The following NAV3 variants were observed in gnomAD, a reference collection of about 807,000 sequenced individuals.
The protein encoded by NAV3 is neuron navigator 3, also known as pore membrane and/or filament interacting like protein 1.
Under a neutral mutation model 244.7 loss-of-function variants are expected in NAV3, and 87 were observed. The observed-to-expected ratio is 0.36, with a 90% confidence interval of 0.30 to 0.42. The LOEUF (loss-of-function observed/expected upper bound fraction) is 0.42, where lower values mean the gene tolerates loss of function less well. Among genes scored for constraint, NAV3 ranks in the 20% least tolerant of loss-of-function variants. The pLI, the probability that NAV3 is intolerant of heterozygous loss-of-function variation, is 1.00. For synonymous variants in NAV3, 1,126 were observed against 1,042.2 expected (o/e 1.08, Z -1.55); for missense variants, 2,663 against 2,893.3 (o/e 0.92, Z 1.83).
chr12:77,582,679 C>T (rs958959053), intron 2 of NAV3, among the ~76,000 whole-genome samples: 7 of 152,220 alleles, frequency 4.6e-5, no homozygotes, highest in African/African-American at 1.7e-4. Context: ...CAAGGCTTGG[C>T]TCCCTGGTCT....
intron 2 of NAV3, among the ~76,000 whole-genome samples, chr12:77,770,812 A>T (rs932952977): frequency 6.6e-6 from 1 of 152,236 alleles, no homozygotes; most frequent in Non-Finnish European, 1.5e-5. Flanking sequence ...TAAAACCCCT[A>T]GAAGAAAACC....
chr12:78,086,383 A>G (rs1953639842), intron 12 of NAV3, among the ~76,000 whole-genome samples: 1 of 152,094 alleles, frequency 6.6e-6, no homozygotes, highest in Non-Finnish European at 1.5e-5. Flanking sequence ...TGAAAAATGC[A>G]AATAATATTA....
chr12:77,982,045 T>A (rs1395452954), intron 5 of NAV3, among the ~76,000 whole-genome samples: 1 of 152,222 alleles, frequency 6.6e-6, no homozygotes, highest in African/African-American at 2.4e-5. Context: ...TAAAAACTGA[T>A]GTAATGTCAA....
intron 1 of NAV3, among the ~76,000 whole-genome samples, chr12:77,894,871 C>T (rs1565897662): frequency 6.6e-6 from 1 of 152,298 alleles, no homozygotes; most frequent in African/African-American, 2.4e-5. Context: ...GTAAAAGTTT[C>T]AAGTTTAAAA....
At chr12:77,625,878 A>G (rs73425544) in intron 2 of NAV3, among the ~76,000 whole-genome samples, 5,282 of 152,292 alleles carry the variant, frequency 0.035, 328 homozygotes, top group African/African-American at 0.12. Context: ...TAAGGACACA[A>G]GAAACATGAA....
intron 12 of NAV3, 145 bp from the exon 13 acceptor site, chr12:78,116,627 C>T: frequency 3.3e-6 from 3 of 906,448 alleles, no homozygotes; most frequent in East Asian, 2.8e-5. Context: ...TATGATTTTC[C>T]CAAAATGTGA....
intron 8 of NAV3, among the ~76,000 whole-genome samples, chr12:78,016,484 A>G (rs1177662259): frequency 3.3e-5 from 5 of 152,196 alleles, no homozygotes; most frequent in East Asian, 3.9e-4. Flanking sequence ...ACTCCCCTGA[A>G]TCGAGTAAAT....
intron 1 of NAV3, among the ~76,000 whole-genome samples, chr12:77,908,408 T>C (rs1336159134): frequency 6.6e-6 from 1 of 152,050 alleles, no homozygotes; most frequent in Admixed American, 6.6e-5. Flanking sequence ...ATTTAAGGAA[T>C]ATAAAATGGT....
At chr12:77,948,823 C>T (rs912619748) in intron 3 of NAV3, among the ~76,000 whole-genome samples, 3 of 151,344 alleles carry the variant, frequency 2.0e-5, no homozygotes, top group Non-Finnish European at 4.4e-5. Flanking sequence ...AATTGTAATA[C>T]TCCTATCTGA....
intron 12 of NAV3, among the ~76,000 whole-genome samples, chr12:78,073,870 C>T (rs2137682695): frequency 6.6e-6 from 1 of 152,056 alleles, no homozygotes; most frequent in Admixed American, 6.5e-5. Context: ...AGAACAGAGC[C>T]CTCAGAAATA....
intron 2 of NAV3, among the ~76,000 whole-genome samples, chr12:77,725,876 T>A (rs1219450886): frequency 6.6e-6 from 1 of 151,962 alleles, no homozygotes. Context: ...CCCTAAAGGC[T>A]GCCCTGTCTC....
intron 8 of NAV3, among the ~76,000 whole-genome samples, chr12:78,012,501 A>C (rs1284732807): frequency 6.6e-6 from 1 of 152,026 alleles, no homozygotes; most frequent in Non-Finnish European, 1.5e-5. Context: ...TACCCTGTTC[A>C]CAATTGATCC....
chr12:77,869,596 A>G (rs1235022718), intron 1 of NAV3, among the ~76,000 whole-genome samples: 1 of 152,032 alleles, frequency 6.6e-6, no homozygotes, highest in Non-Finnish European at 1.5e-5. Flanking sequence ...GTTAACTCTT[A>G]CTAACTTCCA....
chr12:78,086,870 A>G (rs2137930708), intron 12 of NAV3, among the ~76,000 whole-genome samples: 1 of 152,096 alleles, frequency 6.6e-6, no homozygotes, highest in South Asian at 2.1e-4. Context: ...TTTCTTTCAT[A>G]GTAGTAAAAA....
intron 1 of NAV3, among the ~76,000 whole-genome samples, chr12:77,862,568 G>A (rs1271406766): frequency 2.0e-5 from 3 of 151,802 alleles, no homozygotes; most frequent in South Asian, 2.1e-4. Flanking sequence ...AGGAGAAAAC[G>A]TTTATTAAGT....
At chr12:78,008,625 T>A (rs946224580) in intron 8 of NAV3, among the ~76,000 whole-genome samples, 1 of 150,652 alleles carries the variant, frequency 6.6e-6, no homozygotes, top group Non-Finnish European at 1.5e-5. Flanking sequence ...ATGTAAAAGT[T>A]TTTAAAATAA....
intron 7 of NAV3, among the ~76,000 whole-genome samples, chr12:78,000,164 T>C (rs183297914): frequency 1.8e-4 from 27 of 152,336 alleles, no homozygotes; most frequent in African/African-American, 6.5e-4. Context: ...ACTCAATTCA[T>C]ACATACCTTC....
chr12:77,622,349 CAG>C (rs1217739380), intron 2 of NAV3, among the ~76,000 whole-genome samples: 7 of 151,766 alleles, frequency 4.6e-5, no homozygotes, highest in African/African-American at 1.7e-4. Context: ...TTAGTAGAGA[CAG>C]GGTTTCACCG....
intron 1 of NAV3, among the ~76,000 whole-genome samples, chr12:77,850,235 C>T (rs1877304971): frequency 6.6e-6 from 1 of 152,194 alleles, no homozygotes; most frequent in South Asian, 2.1e-4. Flanking sequence ...ATTTCCTTGT[C>T]AGAACGTAAC....
Sources: allele counts gnomAD v4.1 joint callset (sites outside exome capture counted in the v4.1 genomes callset), GRCh38; gene constraint gnomAD v4.1.1; transcripts MANE v1.5; gene names NCBI Gene and HGNC (gene_info 2026-07-23, HGNC 2026-07-21).